Variants in CNTN5 observed in about 807,000 individuals in gnomAD.
The protein encoded by CNTN5 is contactin 5.
Under a neutral mutation model 129.1 loss-of-function variants are expected in CNTN5, and 77 were observed. That is an observed-to-expected ratio of 0.60 (90% CI 0.50 to 0.72). CNTN5 has a LOEUF of 0.72. Ranked by LOEUF, CNTN5 falls within the 30% of genes least tolerant of loss-of-function variation. The pLI is 0.00. For missense variants in CNTN5, 1,478 were observed against 1,328.8 expected (o/e 1.11, Z -1.75); for synonymous variants, 509 against 465.6 (o/e 1.09, Z -1.20).
At chr11:100,161,874 A>C (rs1007105555) in intron 13 of CNTN5, among the ~76,000 whole-genome samples, 19 of 61,170 alleles carry the variant, frequency 3.1e-4, no homozygotes, top group African/African-American at 1.1e-3. Context: ...CACACACACA[A>C]AACAAAAAAC....
At chr11:99,566,242 T>A (rs747620982) in intron 3 of CNTN5, among the ~76,000 whole-genome samples, 16 of 152,198 alleles carry the variant, frequency 1.1e-4, no homozygotes, top group Non-Finnish European at 1.2e-4. Flanking sequence ...CCCTCACTAT[T>A]GCTTGCTCCT....
rs544891586 is a variant in CNTN5, at chr11:99,170,678, A to G, written c.-210+149408A>G. 4.6e-5 allele frequency among the ~76,000 whole-genome samples: 7 copies of G among 152,300 alleles called. No homozygotes were observed. In the South Asian group the frequency reaches 1.5e-3, roughly 32 times the overall value. ...GAACAGAAGCATTTTTTTGTTTTCT[A>G]TTACAAGTGATTTGTAAGTGATTAA... is the stretch of plus-strand genomic sequence containing the variant. On this transcript the variant is annotated intron_variant, in intron 1 of 24. Coordinates refer to ENST00000524871, the MANE Select transcript of CNTN5 (RefSeq NM_014361.4).
chr11:99,362,473 T>C (rs1939177808), intron 2 of CNTN5, among the ~76,000 whole-genome samples: 1 of 151,988 alleles, frequency 6.6e-6, no homozygotes, highest in East Asian at 1.9e-4. Context: ...GCACAGAAGT[T>C]TTTAATTTTG....
chr11:99,746,714 C>T (rs551529407), intron 3 of CNTN5, among the ~76,000 whole-genome samples: 1 of 152,204 alleles, frequency 6.6e-6, no homozygotes, highest in Admixed American at 6.5e-5. Flanking sequence ...CCTACGCCCT[C>T]TTCTTGCTGT....
intron 13 of CNTN5, among the ~76,000 whole-genome samples, chr11:100,139,498 TC>T (rs1332474815): frequency 6.6e-6 from 1 of 152,086 alleles, no homozygotes; most frequent in Admixed American, 6.6e-5. Flanking sequence ...AACATAGAAT[TC>T]AGTGGTAACC....
intron 21 of CNTN5, among the ~76,000 whole-genome samples, chr11:100,314,170 C>T (rs144161506): frequency 1.3e-5 from 2 of 152,098 alleles, no homozygotes; most frequent in African/African-American, 2.4e-5. Context: ...TGTATTTTGT[C>T]AGGACACCAA....
rs142788329 is a variant in CNTN5, at chr11:99,915,430, G to A, written c.578-624G>A. Among the ~76,000 whole-genome samples the A allele has an allele frequency of 8.4e-3, 1,279 of 152,106 alleles. 61 individuals are homozygous for A. Among genetic ancestry groups the A allele is most frequent in the Admixed American group, 0.072 (1,094 of 15,246 alleles). On this transcript the variant is annotated intron_variant, in intron 6 of 24. Transcript: ENST00000524871. The stretch of plus-strand genomic sequence containing the variant: ...CCTTTTACATAGAAGTGAATATTTC[G>A]TTAACTAATACTCCCAGACTAATCA...
At chr11:100,261,543 A>C (rs1950197513) in intron 17 of CNTN5, among the ~76,000 whole-genome samples, 1 of 152,216 alleles carries the variant, frequency 6.6e-6, no homozygotes, top group African/African-American at 2.4e-5. Flanking sequence ...CCTGAACTCA[A>C]ATTCTACTAT....
chr11:99,577,472 T>C (rs1443206733), intron 3 of CNTN5, among the ~76,000 whole-genome samples: 1 of 152,184 alleles, frequency 6.6e-6, no homozygotes, highest in Non-Finnish European at 1.5e-5. Context: ...TTTTACTAGA[T>C]TAACGTACAG....
intron 1 of CNTN5, among the ~76,000 whole-genome samples, chr11:99,269,114 T>C (rs1415261162): frequency 2.0e-5 from 3 of 151,968 alleles, no homozygotes; most frequent in Admixed American, 6.6e-5. Flanking sequence ...CCTGTCGAAG[T>C]GCCAAAGCAC....
intron 1 of CNTN5, among the ~76,000 whole-genome samples, chr11:99,185,282 T>C (rs1033838120): frequency 4.3e-5 from 1 of 23,284 alleles, no homozygotes; most frequent in African/African-American, 1.1e-4. Context: ...AATCGATAAC[T>C]AAAGATTTTT....
intron 15 of CNTN5, among the ~76,000 whole-genome samples, chr11:100,210,145 G>C (rs1024042406): frequency 6.7e-6 from 1 of 148,386 alleles, no homozygotes; most frequent in Non-Finnish European, 1.5e-5. Flanking sequence ...AGATCAGCCT[G>C]GGCAACACAG....
chr11:100,254,169 G>T (rs184938236), intron 16 of CNTN5, among the ~76,000 whole-genome samples: 2 of 152,028 alleles, frequency 1.3e-5, no homozygotes, highest in African/African-American at 4.8e-5. Context: ...AAATGATACC[G>T]TCTAACCAAA....
chr11:99,179,669 C>T (rs1238927011), intron 1 of CNTN5, among the ~76,000 whole-genome samples: 1 of 152,188 alleles, frequency 6.6e-6, no homozygotes, highest in Non-Finnish European at 1.5e-5. Context: ...TTAATTTAGA[C>T]AGTCACATCA....
intron 3 of CNTN5, among the ~76,000 whole-genome samples, chr11:99,574,964 C>A (rs1296078672): frequency 6.6e-6 from 1 of 152,052 alleles, no homozygotes; most frequent in Non-Finnish European, 1.5e-5. Context: ...GGGAAATAGA[C>A]TGGAAATAGG....
chr11:99,051,166 G>T (rs1340270739), intron 1 of CNTN5, among the ~76,000 whole-genome samples: 1 of 151,852 alleles, frequency 6.6e-6, no homozygotes, highest in African/African-American at 2.4e-5. Flanking sequence ...TGTTTCAGGA[G>T]ATGTGTACTT....
chr11:99,148,172 G>A (rs925327596), intron 1 of CNTN5, among the ~76,000 whole-genome samples: 3 of 151,858 alleles, frequency 2.0e-5, no homozygotes, highest in South Asian at 2.1e-4. Context: ...TATCAAATAC[G>A]TACTAAAAAG....
intron 2 of CNTN5, among the ~76,000 whole-genome samples, chr11:99,523,669 C>T (rs2466899): frequency 0.037 from 1,008 of 27,174 alleles, 2 homozygotes; most frequent in South Asian, 0.047. Context: ...CAGATCAGAA[C>T]AGAACAGAAC....
At chr11:100,231,509 C>T (rs1347186390) in intron 16 of CNTN5, among the ~76,000 whole-genome samples, 1 of 151,914 alleles carries the variant, frequency 6.6e-6, no homozygotes, top group African/African-American at 2.4e-5. Flanking sequence ...AGAGGGACAC[C>T]GTATACTCTA....
Sources: gnomAD v4.1 joint callset for allele counts (sites outside exome capture counted in the v4.1 genomes callset) on GRCh38, gnomAD v4.1.1 for gene constraint, MANE v1.5 for transcripts, NCBI Gene and HGNC (gene_info 2026-07-23, HGNC 2026-07-21) for gene names.